The following CASR variants were observed in gnomAD, a reference collection of about 807,000 sequenced individuals.
CASR encodes the protein extracellular calcium-sensing receptor.
In CASR, 23 loss-of-function variants were observed where a neutral mutation model predicts 69.1. That is an observed-to-expected ratio of 0.33 (90% CI 0.24 to 0.47). The LOEUF is 0.47. CASR is among the 20% of genes least tolerant of loss of function. The probability of loss-of-function intolerance (pLI) is 1.00; values close to 1 mark genes in which losing one functional copy is unlikely to be tolerated. For synonymous variants in CASR, 541 were observed against 544.7 expected, an observed-to-expected ratio of 0.99 and a Z score of 0.10; for missense variants, 924 against 1,356.1, an observed-to-expected ratio of 0.68 and a Z score of 5.00.
chr3:122,201,529 C>T (rs1279389791), intron 1 of CASR, among the ~76,000 whole-genome samples: 1 of 152,242 alleles, frequency 6.6e-6, no homozygotes, highest in Non-Finnish European at 1.5e-5. Flanking sequence ...ACCTCCCAGA[C>T]GGGGTGGTGG....
At chr3:122,239,125 C>T (rs1007661122) in intron 1 of CASR, among the ~76,000 whole-genome samples, 5 of 152,160 alleles carry the variant, frequency 3.3e-5, no homozygotes, top group South Asian at 2.1e-4. Context: ...TCTTGGGTCC[C>T]GAGCCCAGGT....
chr3:122,234,437 C>T (rs148361482), intron 1 of CASR, among the ~76,000 whole-genome samples: 12 of 152,298 alleles, frequency 7.9e-5, no homozygotes, highest in African/African-American at 2.6e-4. Context: ...GAATAATAAC[C>T]TTTGCCCATT....
At chr3:122,220,907 G>A (rs1403861989) in intron 1 of CASR, among the ~76,000 whole-genome samples, 2 of 152,186 alleles carry the variant, frequency 1.3e-5, no homozygotes, top group East Asian at 3.9e-4. Flanking sequence ...CCAGGAAGCA[G>A]AGGTTGCAAT....
rs6438708 is a variant in CASR, at chr3:122,201,005, A to C, written c.-243+17193A>C. ...TGCCCATTGCTTTTCTTTTTTTTTT[A>C]TTTTTTTTTTTTTTATTGATCATTC... is the stretch of plus-strand genomic sequence containing the variant. On this transcript the variant is annotated intron_variant, in intron 1 of 6. Coordinates refer to ENST00000639785, the MANE Select transcript of CASR (RefSeq NM_000388.4). Among the ~76,000 whole-genome samples the C allele has an allele frequency of 2.0e-4, 21 of 102,854 alleles. 1 individual carries two copies. The highest frequency in any genetic ancestry group is 1.2e-3 in the East Asian group (5 of 4,158). 67.5% of individuals were successfully genotyped at this position (102,854 alleles called of 152,430 possible).
chr3:122,266,373 G>A (rs1428814620), intron 4 of CASR, among the ~76,000 whole-genome samples: 1 of 151,578 alleles, frequency 6.6e-6, no homozygotes. Context: ...TTCTTTGTGA[G>A]CCTGTAAGTC....
intron 1 of CASR, among the ~76,000 whole-genome samples, chr3:122,204,748 T>C (rs1457056465): frequency 6.6e-6 from 1 of 152,142 alleles, no homozygotes; most frequent in Non-Finnish European, 1.5e-5. Flanking sequence ...TTATTGCCTG[T>C]CTTTTTTATA....
intron 1 of CASR, among the ~76,000 whole-genome samples, chr3:122,236,629 A>G (rs535128381): frequency 6.6e-6 from 1 of 152,356 alleles, no homozygotes; most frequent in Admixed American, 6.5e-5. Flanking sequence ...AGGCCAGAAT[A>G]TGGACATGAG....
At position 122,262,222 on chromosome 3, in the gene CASR, C is replaced by A. The variant is rs1576859271; in HGVS notation, c.1187C>A (p.Thr396Lys). The change falls in exon 4 of 7, where the codon ACA (threonine) becomes AAA (lysine). Residue 396 changes from threonine to lysine, a missense_variant. Around this residue, in one of 8 missense-constraint regions of CASR, gnomAD observed 310 missense variants for 395.7 expected, o/e 0.78. Coordinates refer to ENST00000639785, the MANE Select transcript of CASR (RefSeq NM_000388.4). ...NSSTAFRPLC[T>K]GDENISSVET... ...TCGACAGCCTTCCGACCCCTCTGTACAGGGGATGAGAACATCAGCAGTGTC... is the reference window on the plus strand; with the variant it reads ...TCGACAGCCTTCCGACCCCTCTGTAAAGGGGATGAGAACATCAGCAGTGTC... 1 of 1,613,806 alleles carries A rather than the reference C, an allele frequency of 6.2e-7. No individual in the cohort carries two copies. Among genetic ancestry groups the A allele is most frequent in the Non-Finnish European group, 8.5e-7 (1 of 1,179,796 alleles).
chr3:122,223,572 T>C (rs1162401513), intron 1 of CASR, among the ~76,000 whole-genome samples: 1 of 151,810 alleles, frequency 6.6e-6, no homozygotes, highest in Non-Finnish European at 1.5e-5. Context: ...AACCAACCAA[T>C]AAAAGCCCAG....
Position 122,207,856 on chromosome 3 carries a change from C to T in CASR, c.-243+24044C>T, listed in dbSNP as rs543947935. ...GAGAAGGAAGTAAATAAACTTCCTTCCTGAAAAGGAAGTTCATAGCATTAA... is the reference window on the plus strand; with the variant it reads ...GAGAAGGAAGTAAATAAACTTCCTTTCTGAAAAGGAAGTTCATAGCATTAA... On this transcript the variant is annotated intron_variant, in intron 1 of 6. Transcript: ENST00000639785. Among the ~76,000 whole-genome samples the T allele has an allele frequency of 3.9e-5, 6 of 152,200 alleles. No individual in the cohort carries two copies. The East Asian group carries it at 1.2e-3, about 29-fold the overall frequency.
chr3:122,218,201 G>T (rs2074135559), intron 1 of CASR, among the ~76,000 whole-genome samples: 1 of 152,026 alleles, frequency 6.6e-6, no homozygotes, highest in African/African-American at 2.4e-5. Context: ...GTTGATGGTA[G>T]CTTAACACAG....
rs1424276095 is a variant in CASR at position 122,287,000 on chromosome 3, A to T, written c.*1809A>T. On this transcript the variant is annotated 3_prime_UTR_variant, in exon 7 of 7. Transcript: ENST00000639785. Reference sequence around the variant, plus strand: ...TGTGAGCAGAAGGTGGTGACTCAGGATGACCCAAGTGAGGTGCCTGCTCCC... The same window carrying T: ...TGTGAGCAGAAGGTGGTGACTCAGGTTGACCCAAGTGAGGTGCCTGCTCCC... 1 of 152,250 alleles carries T rather than the reference A, an allele frequency of 6.6e-6. No individual in the cohort carries two copies. Among genetic ancestry groups the T allele is most frequent in the African/African-American group, 2.4e-5 (1 of 41,458 alleles). 9.4% of individuals were successfully genotyped at this position (152,250 alleles called of 1,614,324 possible). A position where few individuals can be genotyped will look rare whatever the true frequency, so the allele number is the denominator to read the frequency against.
In CASR at chr3:122,290,436, A is replaced by C. The variant is rs2075003653; in HGVS notation, c.*5245A>C. On this transcript the variant is annotated 3_prime_UTR_variant, in exon 7 of 7. Coordinates refer to ENST00000639785, the MANE Select transcript of CASR (RefSeq NM_000388.4). ...GTTCAGAATGTCCTGATTTTCTTTA[A>C]ATGTTTTGTTTCTATCTGACCTCTC... 6.6e-6 allele frequency: 1 copy of C among 152,152 alleles called. No homozygotes were observed. Among genetic ancestry groups the C allele is most frequent in the South Asian group, 2.1e-4 (1 of 4,828 alleles). 9.4% of individuals were successfully genotyped at this position (152,152 alleles called of 1,614,324 possible).
intron 1 of CASR, among the ~76,000 whole-genome samples, chr3:122,207,778 T>C (rs1221278323): frequency 6.6e-6 from 1 of 152,192 alleles, no homozygotes; most frequent in Non-Finnish European, 1.5e-5. Flanking sequence ...GTTACTGTTG[T>C]AAGTAGCAAC....
intron 1 of CASR, among the ~76,000 whole-genome samples, chr3:122,201,299 G>C (rs542599537): frequency 6.6e-6 from 1 of 152,308 alleles, no homozygotes; most frequent in East Asian, 1.9e-4. Context: ...ACATGCTTCA[G>C]AGAGCACAGG....
At chr3:122,226,156 C>T (rs1046809500) in intron 1 of CASR, among the ~76,000 whole-genome samples, 7 of 152,162 alleles carry the variant, frequency 4.6e-5, no homozygotes, top group African/African-American at 1.7e-4. Flanking sequence ...CGGACCCTCA[C>T]GGTGAGTGTT....
intron 1 of CASR, among the ~76,000 whole-genome samples, chr3:122,199,741 T>C (rs1576816878): frequency 6.6e-6 from 1 of 151,696 alleles, no homozygotes; most frequent in South Asian, 2.1e-4. Context: ...GATGCGGGGG[T>C]GGGAGGTGAT....
At chr3:122,199,251 A>G (rs954461171) in intron 1 of CASR, among the ~76,000 whole-genome samples, 9 of 152,184 alleles carry the variant, frequency 5.9e-5, no homozygotes, top group African/African-American at 2.2e-4. Context: ...TGTACATGGA[A>G]CTCATCCACT....
Position 122,286,230 on chromosome 3 carries a change from G to T in CASR, c.*1039G>T, listed in dbSNP as rs2074968150. 1 of 152,284 alleles carries T rather than the reference G, an allele frequency of 6.6e-6. No individual in the cohort carries two copies. Among genetic ancestry groups the T allele is most frequent in the African/African-American group, 2.4e-5 (1 of 41,552 alleles). The allele number at this position is 152,284 out of a possible 1,614,324, so 9.4% of individuals were successfully genotyped here. On this transcript the variant is annotated 3_prime_UTR_variant, in exon 7 of 7. Transcript: ENST00000639785. Reference sequence around the variant, plus strand: ...CAGAGCTATGTTCCCTCCAGCAGTGGTATTAATACTGCCGGTCACCCAGGC... The same window carrying T: ...CAGAGCTATGTTCCCTCCAGCAGTGTTATTAATACTGCCGGTCACCCAGGC...
Sources: gnomAD v4.1 joint callset for allele counts (sites outside exome capture counted in the v4.1 genomes callset) on GRCh38, gnomAD v4.1.1 for gene constraint, gnomAD v4.1.1 regional missense constraint, MANE v1.5 for transcripts, NCBI Gene and HGNC (gene_info 2026-07-23, HGNC 2026-07-21) for gene names.